NELL1: variants seen among roughly 807,000 people sequenced by gnomAD.
NELL1 encodes protein kinase C-binding protein NELL1.
NELL1 carries 76 observed loss-of-function variants against 107.4 expected under a neutral mutation model. The ratio of observed to expected loss-of-function variants is 0.71; its 90% confidence interval spans 0.59 to 0.86. The LOEUF (loss-of-function observed/expected upper bound fraction) is 0.86, where lower values mean the gene tolerates loss of function less well. NELL1 is among the 40% of genes least tolerant of loss of function. The pLI is 0.00. For missense variants in NELL1, 1,024 were observed against 1,005.5 expected, an observed-to-expected ratio of 1.02 and a Z score of -0.25; for synonymous variants, 353 against 341.2, an observed-to-expected ratio of 1.03 and a Z score of -0.38.
chr11:20,783,711 T>G lies in NELL1; in HGVS notation c.216T>G (p.His72Gln). 1 of 1,614,010 alleles carries G rather than the reference T, an allele frequency of 6.2e-7. No homozygotes were observed. The highest frequency in any genetic ancestry group is 8.5e-7 in the Non-Finnish European group (1 of 1,179,938). ...AAAGAGAGATCCATGCAGCTCCTCA[T>G]GTGAGTGAGAAATTAATTCAGCTGT... is the stretch of plus-strand genomic sequence containing the variant. The part of the protein sequence containing the change: ...DIEREIHAAP[H>Q]VSEKLIQLFR... The change falls in exon 3 of 20, where the codon CAT becomes CAG. Residue 72 changes from histidine (H) to glutamine (Q), a missense_variant. Transcript: ENST00000357134.
intron 10 of NELL1, among the ~76,000 whole-genome samples, chr11:20,945,917 G>A (rs1487145947): frequency 6.6e-6 from 1 of 152,160 alleles, no homozygotes. Flanking sequence ...AGAAAGTTAA[G>A]AGTTACCTTG....
At chr11:21,289,075 T>A (rs1001552397) in intron 14 of NELL1, among the ~76,000 whole-genome samples, 1 of 152,162 alleles carries the variant, frequency 6.6e-6, no homozygotes, top group Non-Finnish European at 1.5e-5. Context: ...AGACCAGATA[T>A]AAGAATGGGG....
At chr11:20,720,420 G>C (rs755532481) in intron 2 of NELL1, among the ~76,000 whole-genome samples, 3 of 151,940 alleles carry the variant, frequency 2.0e-5, no homozygotes, top group Non-Finnish European at 2.9e-5. Flanking sequence ...TGCTGGCCAG[G>C]CTGGTCTTGA....
intron 15 of NELL1, among the ~76,000 whole-genome samples, chr11:21,469,100 T>TAGAG (rs1263880097): frequency 3.3e-5 from 5 of 152,004 alleles, no homozygotes; most frequent in African/African-American, 1.2e-4. Flanking sequence ...TCTATCCTAA[T>TAGAG]AGAGATAGGA....
At chr11:20,881,357 T>G (rs1849403520) in intron 4 of NELL1, among the ~76,000 whole-genome samples, 1 of 152,174 alleles carries the variant, frequency 6.6e-6, no homozygotes, top group African/African-American at 2.4e-5. Context: ...ATGGGGCTTT[T>G]GTGGCTGAAA....
At chr11:20,976,474 T>G (rs147396311) in intron 12 of NELL1, among the ~76,000 whole-genome samples, 285 of 152,266 alleles carry the variant, frequency 1.9e-3, no homozygotes, top group African/African-American at 6.6e-3. Flanking sequence ...AGGGGTAACT[T>G]AAATGTTTCA....
At chr11:20,994,822 T>TA (rs1852053673) in intron 12 of NELL1, among the ~76,000 whole-genome samples, 1 of 152,248 alleles carries the variant, frequency 6.6e-6, no homozygotes, top group Non-Finnish European at 1.5e-5. Context: ...AAATGAATTT[T>TA]AATTTCTAAT....
chr11:20,916,488 A>G (rs1317031330), intron 5 of NELL1, among the ~76,000 whole-genome samples: 4 of 151,972 alleles, frequency 2.6e-5, no homozygotes, highest in African/African-American at 7.2e-5. Context: ...GGTATTTAAC[A>G]CCATGACACA....
intron 15 of NELL1, among the ~76,000 whole-genome samples, chr11:21,495,398 A>G (rs1252332650): frequency 6.6e-6 from 1 of 152,152 alleles, no homozygotes; most frequent in African/African-American, 2.4e-5. Flanking sequence ...TTGTTTAAAC[A>G]GTCATCAGTT....
chr11:20,960,232 G>A (rs925050365), intron 11 of NELL1, among the ~76,000 whole-genome samples, 200 bp from the exon 12 acceptor site: 5 of 152,112 alleles, frequency 3.3e-5, no homozygotes, highest in African/African-American at 4.8e-5. Flanking sequence ...GAGTATGGGT[G>A]GGGGAAAGCC....
intron 11 of NELL1, among the ~76,000 whole-genome samples, chr11:20,949,353 G>C (rs929818208): frequency 6.6e-6 from 1 of 152,166 alleles, no homozygotes; most frequent in African/African-American, 2.4e-5. Context: ...TATGACATCA[G>C]AATATCTTCC....
intron 13 of NELL1, among the ~76,000 whole-genome samples, chr11:21,207,827 T>C (rs1210303282): frequency 6.6e-6 from 1 of 152,222 alleles, no homozygotes; most frequent in Admixed American, 6.5e-5. Context: ...TATCTAGGTC[T>C]ATCTGCTGCC....
intron 2 of NELL1, among the ~76,000 whole-genome samples, chr11:20,709,249 C>T (rs368758446): frequency 6.6e-5 from 10 of 152,218 alleles, no homozygotes; most frequent in East Asian, 5.8e-4. Flanking sequence ...TTTCATTATT[C>T]GACCTGGGGC....
At chr11:21,086,149 G>A (rs577884887) in intron 12 of NELL1, among the ~76,000 whole-genome samples, 2 of 152,260 alleles carry the variant, frequency 1.3e-5, no homozygotes, top group Admixed American at 1.3e-4. Context: ...TGTAGGCAGG[G>A]GCTGTGTCAT....
At chr11:21,404,557 G>C (rs1852188797) in intron 15 of NELL1, among the ~76,000 whole-genome samples, 1 of 151,922 alleles carries the variant, frequency 6.6e-6, no homozygotes, top group Non-Finnish European at 1.5e-5. Flanking sequence ...ATTGTGACTT[G>C]CTCAAGGAGT....
At chr11:20,674,439 T>G (rs1397609564) in intron 1 of NELL1, 4 of 1,394,552 alleles carry the variant, frequency 2.9e-6, no homozygotes, top group Non-Finnish European at 2.0e-6. Context: ...GTGTAACAGG[T>G]ACCAGTATCT....
At chr11:21,192,533 T>C (rs1857069207) in intron 13 of NELL1, among the ~76,000 whole-genome samples, 1 of 151,912 alleles carries the variant, frequency 6.6e-6, no homozygotes, top group Admixed American at 6.6e-5. Context: ...TTACTGTAAT[T>C]GCTTATCACT....
At chr11:20,917,984 T>G (rs577901923) in intron 5 of NELL1, among the ~76,000 whole-genome samples, 198 bp from the exon 6 acceptor site, 1 of 152,094 alleles carries the variant, frequency 6.6e-6, no homozygotes, top group South Asian at 2.1e-4. Context: ...TGGAGCTTTC[T>G]CCACATAAAT....
Position 21,570,493 on chromosome 11 carries a change from G to A in NELL1, c.1981-271G>A, listed in dbSNP as rs143264258. On this transcript the variant is annotated intron_variant, in intron 17 of 19. Coordinates refer to ENST00000357134, the MANE Select transcript of NELL1 (RefSeq NM_006157.5). The stretch of plus-strand genomic sequence containing the variant: ...ACTTATAATTCTTACTTAGAAATAC[G>A]ATTTTTAAGAACCCCTTTGAAAAAG... Among the ~76,000 whole-genome samples the A allele has an allele frequency of 6.6e-5, 10 of 151,824 alleles. No individual in the cohort carries two copies. The East Asian group carries it at 1.6e-3, about 24-fold the overall frequency.
Sources: gnomAD v4.1 joint callset for allele counts (sites outside exome capture counted in the v4.1 genomes callset) on GRCh38, gnomAD v4.1.1 for gene constraint, MANE v1.5 for transcripts, NCBI Gene and HGNC (gene_info 2026-07-23, HGNC 2026-07-21) for gene names.